ZFHX3: variants seen among roughly 807,000 people sequenced by gnomAD.
ZFHX3 encodes the protein zinc finger homeobox 3.
ZFHX3 carries 42 observed loss-of-function variants against 279.1 expected under a neutral mutation model. The observed-to-expected ratio is 0.15, with a 90% confidence interval of 0.12 to 0.19. The LOEUF (loss-of-function observed/expected upper bound fraction) is 0.19. Ranked by LOEUF, ZFHX3 falls within the 10% of genes least tolerant of loss-of-function variation. The pLI is 1.00. For missense variants in ZFHX3, 4,981 were observed against 4,754.0 expected (o/e 1.05, Z -1.40); for synonymous variants, 2,293 against 1,957.8 (o/e 1.17, Z -4.52).
intron 2 of ZFHX3, among the ~76,000 whole-genome samples, chr16:73,628,101 TGTACTCA>T (rs766793357): frequency 4.7e-4 from 71 of 152,282 alleles, no homozygotes; most frequent in South Asian, 1.2e-3. Context: ...ATTTTATCAT[TGTACTCA>T]GTAACTACCC....
intron 5 of ZFHX3, among the ~76,000 whole-genome samples, chr16:73,184,769 G>A (rs1222622538): frequency 6.6e-6 from 1 of 151,960 alleles, no homozygotes; most frequent in Non-Finnish European, 1.5e-5. Context: ...CCCTATTTGG[G>A]AGAAAAAAAA....
In ZFHX3 at chr16:73,162,288, A is replaced by G. The variant is rs543020827; in HGVS notation, c.-1103-18457T>C. Among the ~76,000 whole-genome samples the G allele has an allele frequency of 7.2e-5, 11 of 152,300 alleles. No homozygotes were observed. In the East Asian group the frequency reaches 1.9e-3, roughly 27 times the overall value. On this transcript the variant is annotated intron_variant, in intron 5 of 17. Transcript: ENST00000641206. The stretch of plus-strand genomic sequence containing the variant: ...GGATTGTTATAGCAGCACAAACCCT[A>G]CTGTGAACTGCACATGCGAGGGATC...
At chr16:73,096,991 A>G (rs1966171892) in intron 7 of ZFHX3, among the ~76,000 whole-genome samples, 2 of 151,718 alleles carry the variant, frequency 1.3e-5, no homozygotes, top group African/African-American at 2.4e-5. Context: ...GAGGAGAAAT[A>G]TTTTTTCTTT....
At chr16:73,317,638 C>T (rs2015481820) in intron 4 of ZFHX3, among the ~76,000 whole-genome samples, 1 of 152,136 alleles carries the variant, frequency 6.6e-6, no homozygotes, top group Admixed American at 6.5e-5. Flanking sequence ...AGGTTAGTGG[C>T]CATTGGGGGC....
At chr16:73,597,271 C>T (rs375769818) in intron 2 of ZFHX3, among the ~76,000 whole-genome samples, 7 of 152,162 alleles carry the variant, frequency 4.6e-5, no homozygotes, top group South Asian at 4.1e-4. Flanking sequence ...AATTACTTCC[C>T]CTTCTGTTGA....
chr16:72,855,307 G>A (rs1037522303), intron 4 of ZFHX3, among the ~76,000 whole-genome samples: 1 of 152,218 alleles, frequency 6.6e-6, no homozygotes, highest in Non-Finnish European at 1.5e-5. Context: ...ATCCCCCAAC[G>A]CTGGAGCGCG....
At chr16:73,657,721 T>C (rs2052737239) in intron 2 of ZFHX3, among the ~76,000 whole-genome samples, 1 of 152,236 alleles carries the variant, frequency 6.6e-6, no homozygotes, top group Admixed American at 6.5e-5. Flanking sequence ...CTTTTTTGCC[T>C]GGCTTCTTTC....
At chr16:73,238,936 C>T (rs2013036008) in intron 5 of ZFHX3, among the ~76,000 whole-genome samples, 1 of 152,118 alleles carries the variant, frequency 6.6e-6, no homozygotes. Context: ...ACCGAAACCT[C>T]CCATGCTGGG....
chr16:72,828,619 A>G (rs151020373), intron 5 of ZFHX3, among the ~76,000 whole-genome samples: 4 of 143,378 alleles, frequency 2.8e-5, no homozygotes, highest in Non-Finnish European at 5.9e-5. Context: ...CAGGAAGAAT[A>G]TGCAGGGCAG....
intron 4 of ZFHX3, among the ~76,000 whole-genome samples, chr16:72,850,839 CAAT>C (rs1298614789): frequency 6.6e-6 from 1 of 151,976 alleles, no homozygotes; most frequent in Non-Finnish European, 1.5e-5. Context: ...AATCACTACT[CAAT>C]GATGCTAGAG....
At chr16:73,807,583 A>G (rs556019045) in intron 1 of ZFHX3, among the ~76,000 whole-genome samples, 162 of 149,384 alleles carry the variant, frequency 1.1e-3, no homozygotes, top group Middle Eastern at 0.011. Flanking sequence ...GCAGCCCCCA[A>G]ATAGCTGGGC....
chr16:73,553,292 T>C (rs2020228617), intron 2 of ZFHX3, among the ~76,000 whole-genome samples: 1 of 152,112 alleles, frequency 6.6e-6, no homozygotes, highest in South Asian at 2.1e-4. Context: ...TTGAAATGGC[T>C]CATTGAACTT....
chr16:73,557,094 CAAAAAAAAA>C (rs397766441), intron 2 of ZFHX3, among the ~76,000 whole-genome samples: 3 of 68,554 alleles, frequency 4.4e-5, no homozygotes, highest in African/African-American at 7.5e-5. Context: ...GACTCCGTCT[CAAAAAAAAA>C]AAAAAAAAAA....
chr16:73,627,307 A>T (rs2052426529), intron 2 of ZFHX3, among the ~76,000 whole-genome samples: 1 of 152,208 alleles, frequency 6.6e-6, no homozygotes. Flanking sequence ...CAGCCATATT[A>T]TGAAGAGTCT....
At chr16:72,997,851 G>A (rs758392635) in intron 1 of ZFHX3, among the ~76,000 whole-genome samples, 9 of 151,256 alleles carry the variant, frequency 6.0e-5, no homozygotes, top group Middle Eastern at 3.5e-3. Flanking sequence ...AGGCCGAGGC[G>A]GCAAGATCGC....
intron 2 of ZFHX3, among the ~76,000 whole-genome samples, chr16:73,658,125 T>G (rs1460233159): frequency 6.6e-6 from 1 of 152,214 alleles, no homozygotes; most frequent in African/African-American, 2.4e-5. Context: ...TTTACTGTGA[T>G]AATACATTAC....
At chr16:73,457,341 C>T (rs926031094) in intron 2 of ZFHX3, among the ~76,000 whole-genome samples, 4 of 152,208 alleles carry the variant, frequency 2.6e-5, no homozygotes, top group Admixed American at 6.5e-5. Context: ...TTTCCCCCAT[C>T]GGTGGCAGCC....
intron 3 of ZFHX3, among the ~76,000 whole-genome samples, chr16:73,330,304 T>G (rs1567452268): frequency 6.6e-6 from 1 of 152,178 alleles, no homozygotes; most frequent in Non-Finnish European, 1.5e-5. Flanking sequence ...ATAATTAATC[T>G]GGGCAGGTTA....
At chr16:72,986,534 A>G (rs1272933050) in intron 1 of ZFHX3, among the ~76,000 whole-genome samples, 4 of 152,200 alleles carry the variant, frequency 2.6e-5, no homozygotes, top group African/African-American at 7.2e-5. Flanking sequence ...CCCAAGTTCT[A>G]TCATGCCCAA....
Sources: allele counts gnomAD v4.1 joint callset (sites outside exome capture counted in the v4.1 genomes callset), GRCh38; gene constraint gnomAD v4.1.1; transcripts MANE v1.5; gene names NCBI Gene and HGNC (gene_info 2026-07-23, HGNC 2026-07-21).